The following WNT7A variants were observed in gnomAD, a reference collection of about 807,000 sequenced individuals.
WNT7A encodes Wnt family member 7A, also known as protein Wnt-7a.
In WNT7A, 16 loss-of-function variants were observed where a neutral mutation model predicts 28.2. That is an observed-to-expected ratio of 0.57 (90% confidence interval 0.38 to 0.86). The LOEUF (loss-of-function observed/expected upper bound fraction) is 0.86, where lower values mean the gene tolerates loss of function less well. Ranked by LOEUF, WNT7A falls within the 40% of genes least tolerant of loss-of-function variation. The pLI is 0.00. For missense variants in WNT7A, 411 were observed against 489.7 expected (o/e 0.84, Z 1.52); for synonymous variants, 190 against 195.9 (o/e 0.97, Z 0.25).
intron 3 of WNT7A, among the ~76,000 whole-genome samples, chr3:13,840,607 T>TCCATCCAC: frequency 6.6e-6 from 1 of 151,694 alleles, no homozygotes; most frequent in Non-Finnish European, 1.5e-5. Flanking sequence ...CATCCATCCA[T>TCCATCCAC]CCATCCATCC....
intron 2 of WNT7A, among the ~76,000 whole-genome samples, chr3:13,855,556 G>A (rs1025172183): frequency 2.6e-5 from 4 of 152,194 alleles, no homozygotes; most frequent in Admixed American, 2.0e-4. Context: ...TGGTAGGGCA[G>A]GGTCCTGAGC....
chr3:13,833,801 G>T (rs972633954), intron 3 of WNT7A, among the ~76,000 whole-genome samples: 9 of 152,230 alleles, frequency 5.9e-5, no homozygotes, highest in African/African-American at 1.9e-4. Context: ...TCTCCCAACT[G>T]CTGGAGCACC....
intron 2 of WNT7A, 89 bp from the exon 3 acceptor site, chr3:13,854,892 C>G (rs1282986918): frequency 1.3e-6 from 2 of 1,559,484 alleles, no homozygotes; most frequent in African/African-American, 1.3e-5. Flanking sequence ...TGAGGCTGAG[C>G]TCAATGCAAT....
At chr3:13,850,516 G>A (rs1028489319) in intron 3 of WNT7A, among the ~76,000 whole-genome samples, 7 of 152,164 alleles carry the variant, frequency 4.6e-5, no homozygotes, top group Non-Finnish European at 8.8e-5. Flanking sequence ...ACTGGGAGGT[G>A]ACTTTTCACT....
Position 13,817,190 on chromosome 3 carries a change from A to G in WNT7A, c.*1754T>C, listed in dbSNP as rs1694017042. 6.6e-6 allele frequency: 1 copy of G among 152,032 alleles called. No individual in the cohort carries two copies. Among genetic ancestry groups the G allele is most frequent in the South Asian group, 2.1e-4 (1 of 4,818 alleles). 9.4% of individuals were successfully genotyped at this position (152,032 alleles called of 1,614,324 possible). A position where few individuals can be genotyped will look rare whatever the true frequency, so the allele number is the denominator to read the frequency against. Reference sequence around the variant, plus strand: ...TGGCGGTTCAACACAATCACACACAATCTCTGCTGTCTGCCTCATACCACC... The same window carrying G: ...TGGCGGTTCAACACAATCACACACAGTCTCTGCTGTCTGCCTCATACCACC... On this transcript the variant is annotated 3_prime_UTR_variant, in exon 4 of 4. Coordinates refer to ENST00000285018, the MANE Select transcript of WNT7A (RefSeq NM_004625.4).
chr3:13,871,547 C>T (rs746619748), intron 2 of WNT7A, among the ~76,000 whole-genome samples: 47 of 152,080 alleles, frequency 3.1e-4, no homozygotes, highest in Non-Finnish European at 6.0e-4. Flanking sequence ...TCCCTCCCTC[C>T]TGGCTGGCCT....
rs56090932 is a variant in WNT7A at position 13,817,423 on chromosome 3, TACACACACACACACACACACACACACAC to T, written c.*1493_*1520del. On this transcript the variant is annotated 3_prime_UTR_variant, in exon 4 of 4. Coordinates refer to ENST00000285018, the MANE Select transcript of WNT7A (RefSeq NM_004625.4). ...CACTCAAGTCCCTAAGAAGATACAGTACACACACACACACACACACACACACACACACACACACACACACACACCGGAA... is the reference window on the plus strand; with the variant it reads ...CACTCAAGTCCCTAAGAAGATACAGTACACACACACACACACACACCGGAA... The T allele has an allele frequency of 0.048, 6,848 of 143,404 alleles. 348 individuals carry two copies. Among genetic ancestry groups the T allele is most frequent in the African/African-American group, 0.12 (4,904 of 39,752 alleles). 8.9% of individuals were successfully genotyped at this position (143,404 alleles called of 1,614,324 possible).
At chr3:13,855,973 A>G (rs1575069329) in intron 2 of WNT7A, among the ~76,000 whole-genome samples, 2 of 152,260 alleles carry the variant, frequency 1.3e-5, no homozygotes, top group East Asian at 3.9e-4. Flanking sequence ...TCCCATGCTC[A>G]GGGAGGTCCT....
At chr3:13,858,253 T>A (rs769841202) in intron 2 of WNT7A, among the ~76,000 whole-genome samples, 12 of 152,164 alleles carry the variant, frequency 7.9e-5, no homozygotes, top group Non-Finnish European at 1.6e-4. Context: ...AGACCAAGAA[T>A]GGAGTTTGCG....
intron 2 of WNT7A, among the ~76,000 whole-genome samples, chr3:13,869,451 AAG>A (rs1694993961): frequency 6.7e-6 from 1 of 149,570 alleles, no homozygotes; most frequent in African/African-American, 2.5e-5. Flanking sequence ...AAGAAAAAGA[AAG>A]AAAGACAGAA....
chr3:13,823,540 G>A (rs897559309), intron 3 of WNT7A, among the ~76,000 whole-genome samples: 3 of 152,186 alleles, frequency 2.0e-5, no homozygotes, highest in Admixed American at 2.0e-4. Context: ...AAGTTGAGAG[G>A]ATTCAAGGAA....
chr3:13,844,358 G>A lies in WNT7A; in HGVS notation c.570+10174C>T, dbSNP rs1236811439. Among the ~76,000 whole-genome samples the A allele has an allele frequency of 5.9e-5, 9 of 152,324 alleles. No individual in the cohort carries two copies. In the East Asian group the frequency reaches 9.7e-4, roughly 16 times the overall value. ...GCACATGGAAGGGCAGGCCTTGAGA[G>A]GGGCACACAGTGCCTTGCAGTGAGC... is the stretch of plus-strand genomic sequence containing the variant. On this transcript the variant is annotated intron_variant, in intron 3 of 3. Coordinates refer to ENST00000285018, the MANE Select transcript of WNT7A (RefSeq NM_004625.4).
At chr3:13,850,878 G>A (rs1694624060) in intron 3 of WNT7A, among the ~76,000 whole-genome samples, 1 of 152,022 alleles carries the variant, frequency 6.6e-6, no homozygotes, top group African/African-American at 2.4e-5. Flanking sequence ...GCACCCAGAA[G>A]GCCCAGGTTC....
chr3:13,865,260 G>A (rs888335534), intron 2 of WNT7A, among the ~76,000 whole-genome samples: 1 of 152,122 alleles, frequency 6.6e-6, no homozygotes, highest in African/African-American at 2.4e-5. Context: ...CCAGGAGCAG[G>A]GAGTATAACA....
At chr3:13,847,993 T>A (rs1418495905) in intron 3 of WNT7A, among the ~76,000 whole-genome samples, 1 of 151,718 alleles carries the variant, frequency 6.6e-6, no homozygotes, top group Admixed American at 6.6e-5. Context: ...TTATCACAAT[T>A]AAAAATAAAT....
chr3:13,856,993 A>AAGC, intron 2 of WNT7A, among the ~76,000 whole-genome samples: 1 of 147,904 alleles, frequency 6.8e-6, no homozygotes, highest in South Asian at 2.2e-4. Context: ...GAAGGAGAAG[A>AAGC]AGAAGAAGAA....
At chr3:13,826,385 C>A (rs80246216) in intron 3 of WNT7A, among the ~76,000 whole-genome samples, 1 of 152,174 alleles carries the variant, frequency 6.6e-6, no homozygotes, top group African/African-American at 2.4e-5. Flanking sequence ...GAAGCCTCCC[C>A]CAAGAAGGCC....
chr3:13,861,915 A>G (rs1385648620), intron 2 of WNT7A, among the ~76,000 whole-genome samples: 1 of 152,188 alleles, frequency 6.6e-6, no homozygotes, highest in Non-Finnish European at 1.5e-5. Context: ...CTTACCTCTC[A>G]ATCCATCCAC....
intron 3 of WNT7A, among the ~76,000 whole-genome samples, chr3:13,822,537 G>A (rs940717391): frequency 1.3e-5 from 2 of 152,254 alleles, no homozygotes; most frequent in African/African-American, 4.8e-5. Context: ...ATGACACATG[G>A]GAGATTAATG....
Sources: gnomAD v4.1 joint callset for allele counts (sites outside exome capture counted in the v4.1 genomes callset) on GRCh38, gnomAD v4.1.1 for gene constraint, MANE v1.5 for transcripts, NCBI Gene and HGNC (gene_info 2026-07-23, HGNC 2026-07-21) for gene names.